The following RTTN variants were observed in gnomAD, a reference collection of about 807,000 sequenced individuals.
The protein encoded by RTTN is rotatin.
Under a neutral mutation model 269.2 loss-of-function variants are expected in RTTN, and 182 were observed. That is an observed-to-expected ratio of 0.68 (90% CI 0.60 to 0.76). RTTN has a LOEUF of 0.76. RTTN is among the 30% of genes least tolerant of loss of function. The probability of loss-of-function intolerance (pLI) is 0.00; values close to 1 mark genes in which losing one functional copy is unlikely to be tolerated. For missense variants in RTTN, 2,545 were observed against 2,608.6 expected, an observed-to-expected ratio of 0.98 and a Z score of 0.53; for synonymous variants, 1,006 against 963.5, an observed-to-expected ratio of 1.04 and a Z score of -0.82.
intron 28 of RTTN, among the ~76,000 whole-genome samples, chr18:70,099,056 G>C (rs986919567): frequency 6.6e-6 from 1 of 152,134 alleles, no homozygotes; most frequent in Middle Eastern, 3.4e-3. Context: ...TGGACATTTG[G>C]GCTAGTTCCA....
intron 26 of RTTN, among the ~76,000 whole-genome samples, chr18:70,115,458 C>T (rs537727337): frequency 6.6e-6 from 1 of 151,238 alleles, no homozygotes; most frequent in East Asian, 1.9e-4. Flanking sequence ...TTACATTAAT[C>T]AGAAGCATTA....
intron 11 of RTTN, among the ~76,000 whole-genome samples, chr18:70,173,160 G>C (rs1425854343): frequency 1.3e-5 from 2 of 152,096 alleles, no homozygotes; most frequent in African/African-American, 4.8e-5. Context: ...CGTTTTCCTG[G>C]ATCACCTGAT....
At position 70,169,078 on chromosome 18, in the gene RTTN, T is replaced by TA; in HGVS notation, c.1477-12dup. 3 of 1,556,664 alleles carry TA rather than the reference T, an allele frequency of 1.9e-6. No individual in the cohort carries two copies. Among genetic ancestry groups the TA allele is most frequent in the Non-Finnish European group, 2.6e-6 (3 of 1,157,544 alleles). ...TAAAAACTCGCTTGCCTTGGTGAATTAAAAAAACAAAAAAATTAAAACTTT... is the reference window on the plus strand; with the variant it reads ...TAAAAACTCGCTTGCCTTGGTGAATTAAAAAAAACAAAAAAATTAAAACTTT... On this transcript the variant is annotated splice_polypyrimidine_tract_variant and intron_variant, in intron 11 of 48. Coordinates refer to ENST00000640769, the MANE Select transcript of RTTN (RefSeq NM_173630.4).
chr18:70,061,523 T>C (rs1207488426), intron 35 of RTTN: 4 of 411,906 alleles, frequency 9.7e-6, no homozygotes, highest in South Asian at 1.8e-5. Flanking sequence ...TGCACATACA[T>C]ACCCCTGGGC....
intron 40 of RTTN, among the ~76,000 whole-genome samples, chr18:70,043,518 C>CA (rs1243041013): frequency 1.3e-5 from 2 of 151,414 alleles, no homozygotes; most frequent in East Asian, 3.9e-4. Flanking sequence ...ATAATCAAGA[C>CA]AAAAAAATAT....
chr18:70,086,491 A>T, intron 32 of RTTN, 122 bp downstream of exon 32: 1 of 816,466 alleles, frequency 1.2e-6, no homozygotes, highest in Non-Finnish European at 2.0e-6. Context: ...GTTCTATTTT[A>T]AGAGGCCCTT....
intron 34 of RTTN, among the ~76,000 whole-genome samples, chr18:70,071,204 T>A (rs1045642982): frequency 5.3e-5 from 8 of 152,172 alleles, no homozygotes; most frequent in Non-Finnish European, 8.8e-5. Flanking sequence ...TGCAAAATAG[T>A]AACAATGCTT....
chr18:70,104,925 A>G (rs1406454839), intron 28 of RTTN, among the ~76,000 whole-genome samples: 1 of 152,186 alleles, frequency 6.6e-6, no homozygotes, highest in Non-Finnish European at 1.5e-5. Flanking sequence ...AGTGTCTCCC[A>G]GTTAGGCTAC....
At chr18:70,179,709 T>C (rs2061378214) in intron 10 of RTTN, among the ~76,000 whole-genome samples, 1 of 152,246 alleles carries the variant, frequency 6.6e-6, no homozygotes, top group South Asian at 2.1e-4. Context: ...ACAGATTTTA[T>C]AGTGTAAACA....
chr18:70,006,701 A>T, intron 46 of RTTN: 1 of 447,144 alleles, frequency 2.2e-6, no homozygotes, highest in South Asian at 4.0e-5. Context: ...GGTCAAAGAC[A>T]CTGAAGCTGC....
chr18:70,184,635 T>C (rs970453381), intron 10 of RTTN, among the ~76,000 whole-genome samples: 2 of 151,268 alleles, frequency 1.3e-5, no homozygotes, highest in Admixed American at 1.3e-4. Context: ...GATTCAATAC[T>C]ATTAAGATGT....
At chr18:70,175,881 T>C (rs540949088) in intron 11 of RTTN, among the ~76,000 whole-genome samples, 17 of 152,242 alleles carry the variant, frequency 1.1e-4, no homozygotes, top group African/African-American at 3.9e-4. Flanking sequence ...GTATTCTGTG[T>C]GTCAAGGAAC....
intron 33 of RTTN, chr18:70,074,934 G>A (rs1320842859): frequency 6.6e-6 from 1 of 151,988 alleles, no homozygotes; most frequent in Non-Finnish European, 1.5e-5. Flanking sequence ...TCATTCACAA[G>A]AAGGATAAAA....
chr18:70,205,529 G>T, intron 1 of RTTN, 99 bp downstream of exon 1: 1 of 1,503,532 alleles, frequency 6.7e-7, no homozygotes, highest in Non-Finnish European at 9.2e-7. Flanking sequence ...AAGAGGGAGC[G>T]GTCGCGGAGC....
Position 70,190,225 on chromosome 18 carries a change from A to G in RTTN, c.1189+313T>C, listed in dbSNP as rs188710523. 4.6e-5 allele frequency among the ~76,000 whole-genome samples: 7 copies of G among 152,184 alleles called. No individual in the cohort carries two copies. In the East Asian group the frequency reaches 7.7e-4, roughly 17 times the overall value. ...TTAAAATAGCCATACAGTCCAAAAA[A>G]AAAAGAAAAAAATAGATGACAGCAA... On this transcript the variant is annotated intron_variant, in intron 9 of 48. Coordinates refer to ENST00000640769, the MANE Select transcript of RTTN (RefSeq NM_173630.4).
At chr18:70,109,778 T>C in intron 27 of RTTN, 61 bp from the exon 28 acceptor site, 2 of 1,316,692 alleles carry the variant, frequency 1.5e-6, no homozygotes, top group Non-Finnish European at 2.2e-6. Context: ...TAATGGGCTA[T>C]CTTACTGGCT....
chr18:70,139,810 G>A (rs767703940), intron 20 of RTTN, 94 bp from the exon 21 acceptor site: 30 of 772,702 alleles, frequency 3.9e-5, no homozygotes, highest in Non-Finnish European at 5.2e-5. Flanking sequence ...AATTTTATGC[G>A]TTTTCATCAA....
chr18:70,063,076 C>T lies in RTTN; in HGVS notation c.4747+2753G>A, dbSNP rs539636086. On this transcript the variant is annotated intron_variant, in intron 35 of 48. Coordinates refer to ENST00000640769, the MANE Select transcript of RTTN (RefSeq NM_173630.4). ...ACAATGCTTGCTAAATTATCAAGTA[C>T]ATATGTATTTTTATATTGCTGGAGA... Among the ~76,000 whole-genome samples the T allele has an allele frequency of 7.2e-4, 109 of 152,136 alleles. 1 individual carries two copies. Among genetic ancestry groups the T allele is most frequent in the African/African-American group, 2.6e-3 (107 of 41,522 alleles).
At chr18:70,143,802 G>A (rs1440577382) in intron 18 of RTTN, among the ~76,000 whole-genome samples, 3 of 151,610 alleles carry the variant, frequency 2.0e-5, no homozygotes, top group Non-Finnish European at 4.4e-5. Flanking sequence ...GATGCAGTAG[G>A]TCAGGAAGGA....
Sources: gnomAD v4.1 joint callset for allele counts (sites outside exome capture counted in the v4.1 genomes callset) on GRCh38, gnomAD v4.1.1 for gene constraint, MANE v1.5 for transcripts, NCBI Gene and HGNC (gene_info 2026-07-23, HGNC 2026-07-21) for gene names.